HTR4: variants seen among roughly 807,000 people sequenced by gnomAD.
The protein encoded by HTR4 is 5-hydroxytryptamine (serotonin) receptor 4, G protein-coupled.
A neutral mutation model predicts 36.8 loss-of-function variants in HTR4; 16 were observed. The ratio of observed to expected loss-of-function variants is 0.43; its 90% CI spans 0.29 to 0.66. The LOEUF is 0.66. Among genes scored for constraint, HTR4 ranks in the 30% least tolerant of loss-of-function variants. HTR4 has a pLI of 0.13. For missense variants in HTR4, 438 were observed against 490.9 expected, an observed-to-expected ratio of 0.89 and a Z score of 1.02; for synonymous variants, 189 against 185.1, an observed-to-expected ratio of 1.02 and a Z score of -0.17.
intron 6 of HTR4, among the ~76,000 whole-genome samples, chr5:148,490,171 A>G (rs1307321021): frequency 6.8e-6 from 1 of 148,120 alleles, no homozygotes; most frequent in Non-Finnish European, 1.5e-5. Flanking sequence ...ATATACATAT[A>G]CATATATATG....
chr5:148,530,351 T>G (rs1758498019), intron 4 of HTR4, among the ~76,000 whole-genome samples: 1 of 152,182 alleles, frequency 6.6e-6, no homozygotes, highest in Non-Finnish European at 1.5e-5. Flanking sequence ...CCAGGGTCCC[T>G]GTACTATGTG....
At chr5:148,591,425 T>C (rs1303012011) in intron 2 of HTR4, among the ~76,000 whole-genome samples, 1 of 152,208 alleles carries the variant, frequency 6.6e-6, no homozygotes, top group Non-Finnish European at 1.5e-5. Flanking sequence ...CTTTGGGCAG[T>C]ATAGTCATTT....
chr5:148,560,211 A>T (rs1179568981), intron 2 of HTR4, among the ~76,000 whole-genome samples: 6 of 147,426 alleles, frequency 4.1e-5, no homozygotes, highest in African/African-American at 1.5e-4. Flanking sequence ...TTTTTAAAAA[A>T]AAAAAAAAAA....
At chr5:148,491,499 G>A (rs1196130113) in intron 6 of HTR4, among the ~76,000 whole-genome samples, 1 of 151,978 alleles carries the variant, frequency 6.6e-6, no homozygotes, top group East Asian at 1.9e-4. Flanking sequence ...TCTTAACCTC[G>A]GCACTATCTG....
chr5:148,509,512 C>T lies in HTR4; in HGVS notation c.1020G>A (p.Leu340=), dbSNP rs200897792. The T allele has an allele frequency of 1.2e-5, 19 of 1,613,840 alleles. No homozygotes were observed. The highest frequency in any genetic ancestry group is 1.6e-5 in the Non-Finnish European group (19 of 1,179,900). Residue 340 remains leucine (L), a synonymous_variant, in exon 6 of 7, where the codon CTG becomes CTA. Transcript: ENST00000377888. The part of the protein sequence containing the change: ...DDERYRRPSI[L]GQTVPCSTTT... ...TGGTTGAACAAGGGACAGTCTGGCC[C>T]AGAATGGAAGGTCTTCGGTAGCGCT...
intron 2 of HTR4, chr5:148,630,351 AAG>A (rs1278643391): frequency 6.6e-6 from 1 of 152,202 alleles, no homozygotes; most frequent in Middle Eastern, 3.2e-3. Context: ...AAAGAGACAC[AAG>A]ATCTTAACCC....
intron 2 of HTR4, among the ~76,000 whole-genome samples, chr5:148,570,588 A>G (rs1760634136): frequency 6.6e-6 from 1 of 152,106 alleles, no homozygotes; most frequent in Non-Finnish European, 1.5e-5. Context: ...CCAGCAACTG[A>G]AAGGAGACAA....
intron 2 of HTR4, among the ~76,000 whole-genome samples, chr5:148,626,153 C>T (rs867536914): frequency 2.0e-5 from 3 of 152,162 alleles, no homozygotes; most frequent in Admixed American, 1.3e-4. Context: ...AAGAAAATAA[C>T]ATTTGAAGTT....
At chr5:148,607,661 A>C (rs1180376414) in intron 2 of HTR4, among the ~76,000 whole-genome samples, 3 of 152,144 alleles carry the variant, frequency 2.0e-5, no homozygotes. Context: ...AGTTTCTCTG[A>C]CCACAGTAAT....
intron 6 of HTR4, among the ~76,000 whole-genome samples, chr5:148,492,570 G>A (rs1378682316): frequency 6.6e-6 from 1 of 152,194 alleles, no homozygotes; most frequent in African/African-American, 2.4e-5. Flanking sequence ...GGAGGAAGAT[G>A]TTTTACCAAG....
At chr5:148,477,755 T>C (rs1472005874), downstream of HTR4, among the ~76,000 whole-genome samples, 1 of 152,226 alleles carries the variant, frequency 6.6e-6, no homozygotes, top group Non-Finnish European at 1.5e-5. Flanking sequence ...TGATCCCATC[T>C]CCTACCACTT....
chr5:148,550,455 A>G (rs1269802768), intron 2 of HTR4, among the ~76,000 whole-genome samples, 193 bp from the exon 3 acceptor site: 1 of 152,190 alleles, frequency 6.6e-6, no homozygotes, highest in Non-Finnish European at 1.5e-5. Context: ...GCTCCTACAT[A>G]AGAGGAGTAT....
intron 5 of HTR4, among the ~76,000 whole-genome samples, chr5:148,452,353 G>A (rs1754993714): frequency 6.6e-6 from 1 of 152,262 alleles, no homozygotes; most frequent in Non-Finnish European, 1.5e-5. Context: ...ATACCCATGT[G>A]TTTAACTGGT....
chr5:148,507,323 A>C (rs1757270127), intron 6 of HTR4, among the ~76,000 whole-genome samples: 1 of 141,088 alleles, frequency 7.1e-6, no homozygotes, highest in East Asian at 2.2e-4. Flanking sequence ...GAATTGAACA[A>C]TAAGAACATT....
chr5:148,559,814 C>G (rs1254588821), intron 2 of HTR4, among the ~76,000 whole-genome samples: 2 of 152,072 alleles, frequency 1.3e-5, no homozygotes, highest in South Asian at 4.1e-4. Flanking sequence ...GTTAGTGCAC[C>G]TCCTGCTTCA....
chr5:148,481,610 T>C lies in HTR4; in HGVS notation c.*1593A>G. On this transcript the variant is annotated 3_prime_UTR_variant, in exon 7 of 7. Coordinates refer to ENST00000377888, the MANE Select transcript of HTR4 (RefSeq NM_000870.7). ...TCTTCCTTATTCCAAAGTTTCTTCC[T>C]GTCGGTTTCAGTTCCAGAACTAAAG... The C allele has an allele frequency of 6.6e-7, 1 of 1,510,180 alleles. No homozygotes were observed. Among genetic ancestry groups the C allele is most frequent in the Middle Eastern group, 1.7e-4 (1 of 5,820 alleles). The allele number at this position is 1,510,180 out of a possible 1,614,324, so 93.5% of individuals were successfully genotyped here.
rs1318143404 is a variant in HTR4, at chr5:148,596,996, G to A, written c.26+39993C>T. On this transcript the variant is annotated intron_variant, in intron 2 of 6. Coordinates refer to ENST00000377888, the MANE Select transcript of HTR4 (RefSeq NM_000870.7). ...GAAGAGGTAGAGTGAAAAGTGCTGA[G>A]AGCAGAAGCCTCCACTCACCTGAGT... Among the ~76,000 whole-genome samples, 4 of 152,144 alleles carry A rather than the reference G, an allele frequency of 2.6e-5. 1 individual carries two copies. The highest frequency in any genetic ancestry group is 9.7e-5 in the African/African-American group (4 of 41,444).
At chr5:148,509,296 C>G (rs972452934) in intron 6 of HTR4, 160 bp downstream of exon 6, 4 of 583,304 alleles carry the variant, frequency 6.9e-6, no homozygotes, top group Non-Finnish European at 1.2e-5. Context: ...GAGTTCTTAA[C>G]CATTGCTGTA....
chr5:148,628,596 G>A (rs1056691354), intron 2 of HTR4: 4 of 152,118 alleles, frequency 2.6e-5, no homozygotes, highest in African/African-American at 7.2e-5. Flanking sequence ...CAGTGATTCC[G>A]GAAGCAAAGA....
Sources: allele counts gnomAD v4.1 joint callset (sites outside exome capture counted in the v4.1 genomes callset), GRCh38; gene constraint gnomAD v4.1.1; transcripts MANE v1.5; gene names NCBI Gene and HGNC (gene_info 2026-07-23, HGNC 2026-07-21).